The following PDE4B variants were observed in gnomAD, a reference collection of about 807,000 sequenced individuals.
The protein encoded by PDE4B is 3',5'-cyclic-AMP phosphodiesterase 4B.
In PDE4B, 20 loss-of-function variants were observed where a neutral mutation model predicts 82.2. The observed-to-expected ratio is 0.24, with a 90% confidence interval of 0.17 to 0.35. The LOEUF (loss-of-function observed/expected upper bound fraction) is 0.35. Among genes scored for constraint, PDE4B ranks in the 10% least tolerant of loss-of-function variants. The pLI, the probability that PDE4B is intolerant of heterozygous loss-of-function variation, is 1.00. For missense variants in PDE4B, 655 were observed against 907.2 expected, an observed-to-expected ratio of 0.72 and a Z score of 3.57; for synonymous variants, 320 against 318.9, an observed-to-expected ratio of 1.00 and a Z score of -0.04.
chr1:66,012,848 G>A (rs760286276), intron 3 of PDE4B, among the ~76,000 whole-genome samples: 20 of 152,086 alleles, frequency 1.3e-4, no homozygotes, highest in Non-Finnish European at 2.5e-4. Flanking sequence ...TGTTTAGTGA[G>A]TATGTACTTA....
At chr1:66,068,239 A>C (rs1263390089) in intron 3 of PDE4B, among the ~76,000 whole-genome samples, 2 of 151,978 alleles carry the variant, frequency 1.3e-5, no homozygotes, top group Non-Finnish European at 2.9e-5. Context: ...ACAGAGCAGA[A>C]ATACAACTCA....
chr1:66,090,614 A>G lies in PDE4B; in HGVS notation c.282-156846A>G, dbSNP rs868739468. On this transcript the variant is annotated intron_variant, in intron 3 of 16. Transcript: ENST00000341517. ...GACAAAATTATATATATATATGTATATAATATATGTGTGTGTGTGTGTGTG... is the reference window on the plus strand; with the variant it reads ...GACAAAATTATATATATATATGTATGTAATATATGTGTGTGTGTGTGTGTG... Among the ~76,000 whole-genome samples the G allele has an allele frequency of 6.8e-3, 75 of 11,026 alleles. 2 individuals carry two copies. Among genetic ancestry groups the G allele is most frequent in the East Asian group, 0.045 (60 of 1,346 alleles). The allele number at this position is 11,026 out of a possible 152,430, so 7.2% of individuals were successfully genotyped here.
chr1:66,074,354 A>C (rs1026248882), intron 3 of PDE4B, among the ~76,000 whole-genome samples: 3 of 152,126 alleles, frequency 2.0e-5, no homozygotes, highest in African/African-American at 7.2e-5. Flanking sequence ...CTGATTAAGC[A>C]CTATTTCATT....
chr1:66,303,913 G>A (rs1335042869), intron 7 of PDE4B, among the ~76,000 whole-genome samples: 1 of 152,064 alleles, frequency 6.6e-6, no homozygotes, highest in Non-Finnish European at 1.5e-5. Flanking sequence ...TTGCTTATGT[G>A]GTTATTTATA....
chr1:66,297,158 T>A (rs1183353403), intron 7 of PDE4B, among the ~76,000 whole-genome samples: 17 of 152,050 alleles, frequency 1.1e-4, no homozygotes, highest in Admixed American at 1.1e-3. Context: ...CGGGGGAAAA[T>A]GATTGCATTT....
chr1:66,093,064 G>T (rs1253124274), intron 3 of PDE4B, among the ~76,000 whole-genome samples: 2 of 152,146 alleles, frequency 1.3e-5, no homozygotes, highest in East Asian at 3.9e-4. Context: ...GTTTAATTCT[G>T]AAGTTACTGA....
At chr1:66,250,877 A>C (rs1187524786) in intron 4 of PDE4B, among the ~76,000 whole-genome samples, 1 of 152,210 alleles carries the variant, frequency 6.6e-6, no homozygotes, top group Non-Finnish European at 1.5e-5. Context: ...CCCATTTTGC[A>C]AAGCCTTACA....
chr1:66,313,711 G>A (rs560495475), intron 7 of PDE4B, among the ~76,000 whole-genome samples: 1 of 152,294 alleles, frequency 6.6e-6, no homozygotes, highest in South Asian at 2.1e-4. Flanking sequence ...AGGAAATGGG[G>A]GTAGAGTGAC....
At chr1:66,254,636 C>T (rs768107401) in intron 4 of PDE4B, among the ~76,000 whole-genome samples, 1 of 152,198 alleles carries the variant, frequency 6.6e-6, no homozygotes, top group Non-Finnish European at 1.5e-5. Flanking sequence ...AACTCAGTGA[C>T]TACCTTAAAC....
At chr1:65,896,120 C>G (rs892469981) in intron 1 of PDE4B, among the ~76,000 whole-genome samples, 2 of 151,720 alleles carry the variant, frequency 1.3e-5, no homozygotes, top group Non-Finnish European at 2.9e-5. Flanking sequence ...GTATGTGTTA[C>G]TAGTCTGTTC....
intron 1 of PDE4B, among the ~76,000 whole-genome samples, chr1:65,875,351 T>C (rs988659972): frequency 2.0e-5 from 3 of 148,462 alleles, no homozygotes; most frequent in Non-Finnish European, 3.0e-5. Flanking sequence ...ACACTGTTGG[T>C]GGGACTGTAA....
chr1:66,200,165 G>C (rs1173621743), intron 3 of PDE4B, among the ~76,000 whole-genome samples: 1 of 152,082 alleles, frequency 6.6e-6, no homozygotes, highest in Non-Finnish European at 1.5e-5. Flanking sequence ...TAGATATATG[G>C]CATTATTTCC....
intron 3 of PDE4B, among the ~76,000 whole-genome samples, chr1:66,215,290 A>G (rs1280493423): frequency 2.6e-5 from 4 of 152,218 alleles, no homozygotes; most frequent in Non-Finnish European, 4.4e-5. Context: ...AGTGAAGAAC[A>G]TCATTTTTTC....
At chr1:65,939,239 T>C (rs985545843) in intron 3 of PDE4B, among the ~76,000 whole-genome samples, 2 of 151,948 alleles carry the variant, frequency 1.3e-5, no homozygotes, top group African/African-American at 2.4e-5. Context: ...ACCCAGAAAA[T>C]AGACTACTTT....
At chr1:66,255,452 AT>A (rs1654140876) in intron 4 of PDE4B, among the ~76,000 whole-genome samples, 1 of 152,206 alleles carries the variant, frequency 6.6e-6, no homozygotes, top group African/African-American at 2.4e-5. Flanking sequence ...TGTCCATAAT[AT>A]GAGCGTGGGA....
chr1:66,266,973 A>G (rs1655096574), intron 7 of PDE4B: 1 of 207,114 alleles, frequency 4.8e-6, no homozygotes, highest in Non-Finnish European at 1.0e-5. Context: ...CTTCATACTT[A>G]AAATCTTTCT....
At chr1:66,194,291 A>G (rs1648084296) in intron 3 of PDE4B, among the ~76,000 whole-genome samples, 1 of 152,128 alleles carries the variant, frequency 6.6e-6, no homozygotes, top group Non-Finnish European at 1.5e-5. Flanking sequence ...TGAGACCCAC[A>G]ATACTATCTA....
At chr1:66,216,139 G>T (rs894065952) in intron 3 of PDE4B, among the ~76,000 whole-genome samples, 4 of 151,218 alleles carry the variant, frequency 2.6e-5, no homozygotes, top group African/African-American at 9.7e-5. Flanking sequence ...TGGGTGTGTC[G>T]GTGAGGGTAT....
intron 3 of PDE4B, among the ~76,000 whole-genome samples, chr1:66,027,955 T>A (rs1029489722): frequency 1.3e-5 from 2 of 152,182 alleles, no homozygotes; most frequent in African/African-American, 4.8e-5. Context: ...GTGCAAGCTA[T>A]CGGTGGATCT....
Sources: gnomAD v4.1 joint callset for allele counts (sites outside exome capture counted in the v4.1 genomes callset) on GRCh38, gnomAD v4.1.1 for gene constraint, MANE v1.5 for transcripts, NCBI Gene and HGNC (gene_info 2026-07-23, HGNC 2026-07-21) for gene names.